Variants in USP36 observed in about 807,000 individuals in gnomAD.
USP36 encodes the protein ubiquitin carboxyl-terminal hydrolase 36.
USP36 carries 59 observed loss-of-function variants against 111.5 expected under a neutral mutation model. The observed-to-expected ratio is 0.53, with a 90% confidence interval of 0.43 to 0.66. The LOEUF (loss-of-function observed/expected upper bound fraction) is 0.66. Among genes scored for constraint, USP36 ranks in the 30% least tolerant of loss-of-function variants. USP36 has a pLI of 0.00. For synonymous variants in USP36, 628 were observed against 581.0 expected (o/e 1.08, Z -1.16); for missense variants, 1,488 against 1,468.0 (o/e 1.01, Z -0.22).
At chr17:78,839,683 G>A (rs2069059541) in intron 1 of USP36, among the ~76,000 whole-genome samples, 1 of 152,160 alleles carries the variant, frequency 6.6e-6, no homozygotes, top group Non-Finnish European at 1.5e-5. Flanking sequence ...TTTCAAGTGG[G>A]ACAGGTCAAT....
chr17:78,820,273 A>G (rs1321847506), intron 8 of USP36, among the ~76,000 whole-genome samples: 2 of 152,182 alleles, frequency 1.3e-5, no homozygotes, highest in South Asian at 4.1e-4. Context: ...CAGGAGTTTG[A>G]GACAAGCCTG....
Position 78,806,188 on chromosome 17 carries a change from G to C in USP36, c.2184C>G (p.Val728=). The part of the protein sequence containing the change: ...LTHPMKTSHP[V]VASTWPVHRA... ...TATGGACGGGCCAAGTGGAGGCAAC[G>C]ACGGGGTGAGAGGTTTTCATGGGGT... Residue 728 remains valine (V), a synonymous_variant, in exon 15 of 21, where the codon GTC becomes GTG. Coordinates refer to ENST00000449938, the MANE Select transcript of USP36 (RefSeq NM_001385174.1). 1 of 1,613,608 alleles carries C rather than the reference G, an allele frequency of 6.2e-7. No homozygotes were observed. Among genetic ancestry groups the C allele is most frequent in the East Asian group, 2.2e-5 (1 of 44,878 alleles).
chr17:78,840,246 C>T (rs1445270037), intron 1 of USP36: 1 of 152,540 alleles, frequency 6.6e-6, no homozygotes, highest in Non-Finnish European at 1.5e-5. Context: ...ACCCCCACGC[C>T]ACCCGCCAGA....
intron 10 of USP36, among the ~76,000 whole-genome samples, chr17:78,817,076 T>G (rs1015313397): frequency 6.6e-6 from 1 of 152,238 alleles, no homozygotes; most frequent in African/African-American, 2.4e-5. Context: ...GCATTTTCAC[T>G]GTACCTTCTC....
rs985789121 is a variant in USP36, at chr17:78,814,622, T to C, written c.1024-70A>G. 46 of 1,554,158 alleles carry C rather than the reference T, an allele frequency of 3.0e-5. No homozygotes were observed. In the African/African-American group the frequency reaches 5.6e-4, roughly 19 times the overall value. Reference sequence around the variant, plus strand: ...AGTAAAGATCAATTTGCCCTTTCCATCCACAACCACACAAAATGCCCAGCT... The same window carrying C: ...AGTAAAGATCAATTTGCCCTTTCCACCCACAACCACACAAAATGCCCAGCT... On this transcript the variant is annotated intron_variant, in intron 10 of 20. Coordinates refer to ENST00000449938, the MANE Select transcript of USP36 (RefSeq NM_001385174.1).
In USP36 at chr17:78,813,043, C is replaced by A. The variant is rs768835204; in HGVS notation, c.1266-42G>T. 2.5e-6 allele frequency: 4 copies of A among 1,610,620 alleles called. No individual in the cohort carries two copies. In the African/African-American group the frequency reaches 5.4e-5, roughly 22 times the overall value. ...ACAAGTAGGGAATTCTCTTACTAGG[C>A]ATTACAGAAACGGAGAGAATTAGAA... On this transcript the variant is annotated intron_variant, in intron 12 of 20. Coordinates refer to ENST00000449938, the MANE Select transcript of USP36 (RefSeq NM_001385174.1).
intron 6 of USP36, chr17:78,822,995 C>T (rs2094367034): frequency 2.0e-5 from 8 of 397,232 alleles, no homozygotes; most frequent in Non-Finnish European, 4.4e-6. Context: ...GGGCTGTTTC[C>T]AGGGCTCTCT....
At chr17:78,830,169 T>C (rs2067956386) in intron 4 of USP36, among the ~76,000 whole-genome samples, 1 of 152,268 alleles carries the variant, frequency 6.6e-6, no homozygotes, top group Admixed American at 6.5e-5. Context: ...TATCCTGAAT[T>C]AGGCAATTAT....
Position 78,814,266 on chromosome 17 carries a change from C to A in USP36, c.1164+146G>T, listed in dbSNP as rs1016161137. On this transcript the variant is annotated intron_variant, in intron 11 of 20. Transcript: ENST00000449938. Reference sequence around the variant, plus strand: ...CTGTAAAGGGCATCTTTTCACTCCACGCAGAGAGGCAACAACGAGGACTTG... The same window carrying A: ...CTGTAAAGGGCATCTTTTCACTCCAAGCAGAGAGGCAACAACGAGGACTTG... 4.4e-6 allele frequency: 5 copies of A among 1,125,056 alleles called. No homozygotes were observed. In the East Asian group the frequency reaches 7.7e-5, roughly 17 times the overall value. 69.7% of individuals were successfully genotyped at this position (1,125,056 alleles called of 1,614,324 possible). A position where few individuals can be genotyped will look rare whatever the true frequency, so the allele number is the denominator to read the frequency against.
At chr17:78,800,032 C>T (rs2093701950) in intron 17 of USP36, among the ~76,000 whole-genome samples, 1 of 151,132 alleles carries the variant, frequency 6.6e-6, no homozygotes, top group African/African-American at 2.4e-5. Context: ...TTTACTAATG[C>T]TTACATGCTT....
intron 11 of USP36, 44 bp from the exon 12 acceptor site, chr17:78,813,917 G>T: frequency 6.5e-7 from 1 of 1,545,152 alleles, no homozygotes; most frequent in Non-Finnish European, 8.9e-7. Context: ...CAATCAACAA[G>T]CATCCCATTA....
Position 78,803,309 on chromosome 17 carries a change from A to G in USP36, c.2810+76T>C. 3.4e-6 allele frequency: 5 copies of G among 1,473,546 alleles called. No individual in the cohort carries two copies. Among genetic ancestry groups the G allele is most frequent in the Non-Finnish European group, 4.6e-6 (5 of 1,076,872 alleles). 91.3% of individuals were successfully genotyped at this position (1,473,546 alleles called of 1,614,324 possible). Reference sequence around the variant, plus strand: ...CAGACTACGTTTCCAGACCATACCTACTTGGGGGTAGATTCTGTGGTTTTG... The same window carrying G: ...CAGACTACGTTTCCAGACCATACCTGCTTGGGGGTAGATTCTGTGGTTTTG... On this transcript the variant is annotated intron_variant, in intron 16 of 20. Transcript: ENST00000449938. The surrounding 1 kb of genome is among the most constrained non-coding windows in gnomAD (Gnocchi z 4.6).
At chr17:78,817,752 G>C (rs889567950) in intron 10 of USP36, among the ~76,000 whole-genome samples, 5 of 149,820 alleles carry the variant, frequency 3.3e-5, no homozygotes, top group Admixed American at 1.3e-4. Context: ...AAAAAAAAAA[G>C]AGAAAAAAGA....
chr17:78,804,507 A>C (rs962112762), intron 15 of USP36, among the ~76,000 whole-genome samples: 1 of 120,292 alleles, frequency 8.3e-6, no homozygotes, highest in African/African-American at 3.0e-5. Context: ...AAAAAAAAAA[A>C]ACAAAGTTAC....
chr17:78,833,080 G>A (rs189262783), intron 4 of USP36, among the ~76,000 whole-genome samples: 3 of 152,028 alleles, frequency 2.0e-5, no homozygotes, highest in East Asian at 2.0e-4. Context: ...CACAGGAGGC[G>A]GGGGTTGCAG....
Position 78,798,430 on chromosome 17 carries a change from T to C in USP36, c.3362A>G (p.Tyr1121Cys), listed in dbSNP as rs768165551. 13 of 1,614,150 alleles carry C rather than the reference T, an allele frequency of 8.1e-6. No homozygotes were observed. Among genetic ancestry groups the C allele is most frequent in the East Asian group, 2.2e-5 (1 of 44,860 alleles). ...TCCACAGGGGCACAGTCAGCGGCGA[T>C]AGCTGAGGCTGGCAGCCTTTGCTGG... ...THPAKAASLS[Y>C]RR The change falls in exon 20 of 21, where the codon TAT (tyrosine) becomes TGT (cysteine). Residue 1121 changes from tyrosine (Y) to cysteine (C), a missense_variant. Tyr to Cys is a radical substitution (Grantham distance 194). Coordinates refer to ENST00000449938, the MANE Select transcript of USP36 (RefSeq NM_001385174.1). The surrounding 1 kb of genome is among the most constrained non-coding windows in gnomAD (Gnocchi z 5.1).
At chr17:78,812,566 T>C (rs932072977) in intron 13 of USP36, among the ~76,000 whole-genome samples, 1 of 151,472 alleles carries the variant, frequency 6.6e-6, no homozygotes, top group African/African-American at 2.4e-5. Context: ...TTCGGGCACC[T>C]ATAATCCCAG....
At chr17:78,822,561 G>C (rs908001765) in intron 6 of USP36, among the ~76,000 whole-genome samples, 1 of 152,146 alleles carries the variant, frequency 6.6e-6, no homozygotes, top group Non-Finnish European at 1.5e-5. Context: ...CGTGGGCTTC[G>C]GGGTCAGGAG....
intron 2 of USP36, among the ~76,000 whole-genome samples, chr17:78,837,983 G>T (rs1033526983): frequency 3.3e-5 from 5 of 152,180 alleles, no homozygotes; most frequent in Non-Finnish European, 7.3e-5. Flanking sequence ...TGCTTGGGAG[G>T]CTGAGGTGGG....
Sources: gnomAD v4.1 joint callset for allele counts (sites outside exome capture counted in the v4.1 genomes callset) on GRCh38, gnomAD v4.1.1 for gene constraint, Gnocchi (gnomAD v3.1) non-coding constraint, MANE v1.5 for transcripts, NCBI Gene and HGNC (gene_info 2026-07-23, HGNC 2026-07-21) for gene names.